The following GPSM2 variants were observed in gnomAD, a reference collection of about 807,000 sequenced individuals.
The protein encoded by GPSM2 is G protein-signaling modulator 2.
GPSM2 carries 58 observed loss-of-function variants against 78.4 expected under a neutral mutation model. The observed-to-expected ratio is 0.74, with a 90% CI of 0.60 to 0.92. The LOEUF (loss-of-function observed/expected upper bound fraction) is 0.92. Among genes scored for constraint, GPSM2 ranks in the 40% least tolerant of loss-of-function variants. The pLI, the probability that GPSM2 is intolerant of heterozygous loss-of-function variation, is 0.00. For synonymous variants in GPSM2, 224 were observed against 280.2 expected, an observed-to-expected ratio of 0.80 and a Z score of 2.00; for missense variants, 700 against 815.5, an observed-to-expected ratio of 0.86 and a Z score of 1.73.
intron 2 of GPSM2, among the ~76,000 whole-genome samples, chr1:108,893,009 C>A (rs905894716): frequency 2.0e-5 from 3 of 152,196 alleles, no homozygotes; most frequent in African/African-American, 7.2e-5. Flanking sequence ...ATGTAGCCAG[C>A]AAGCTTCCAG....
At chr1:108,879,046 T>A (rs910450094) in intron 1 of GPSM2, among the ~76,000 whole-genome samples, 3 of 152,238 alleles carry the variant, frequency 2.0e-5, no homozygotes, top group African/African-American at 7.2e-5. Flanking sequence ...TGTGTTTTGT[T>A]GTAGCTTCGC....
Position 108,922,501 on chromosome 1 carries a change from T to C in GPSM2, c.1525T>C (p.Cys509Arg). The change falls in exon 13 of 15, where the codon TGT becomes CGT. Residue 509 changes from cysteine to arginine, a missense_variant. Coordinates refer to ENST00000264126, the MANE Select transcript of GPSM2 (RefSeq NM_013296.5). ...AAGCAATAGGATGGATGATCAGAGA[T>C]GTTGCTTACAAGAAAAGAACTGCCA... ...FQSNRMDDQR[C>R]CLQEKNCHTA... 6.2e-7 allele frequency: 1 copy of C among 1,612,032 alleles called. No homozygotes were observed. Among genetic ancestry groups the C allele is most frequent in the Non-Finnish European group, 8.5e-7 (1 of 1,178,430 alleles).
Position 108,929,841 on chromosome 1 carries a change from A to C in GPSM2, c.1956A>C (p.Arg652Ser), listed in dbSNP as rs777713306. ...ATGAACAGAGAGTTCTTTTACAAAG[A>C]GATCAAAACAGAGACACTGACTTTG... is the stretch of plus-strand genomic sequence containing the variant. Reference protein sequence around the residue: ...RMDEQRVLLQRDQNRDTDFGL... With the variant: ...RMDEQRVLLQSDQNRDTDFGL... Residue 652 changes from arginine (R) to serine (S), a missense_variant, in exon 15 of 15, where the codon AGA becomes AGC. By Grantham distance (110) the Arg-to-Ser change is moderately radical. Transcript: ENST00000264126. The C allele has an allele frequency of 1.2e-6, 2 of 1,614,078 alleles. No homozygotes were observed. Among genetic ancestry groups the C allele is most frequent in the Admixed American group, 3.3e-5 (2 of 60,030 alleles).
At chr1:108,928,033 A>G (rs747366160) in intron 14 of GPSM2, among the ~76,000 whole-genome samples, 3 of 152,236 alleles carry the variant, frequency 2.0e-5, no homozygotes, top group Non-Finnish European at 4.4e-5. Flanking sequence ...AAACCAAAAG[A>G]GTGAGCAGGG....
chr1:108,897,713 A>G, intron 4 of GPSM2, 86 bp downstream of exon 4: 1 of 1,207,026 alleles, frequency 8.3e-7, no homozygotes, highest in Non-Finnish European at 1.2e-6. Context: ...TCTATAGTTT[A>G]TTTTAAAATT....
chr1:108,921,343 C>T (rs1196381891), intron 12 of GPSM2, among the ~76,000 whole-genome samples: 1 of 151,894 alleles, frequency 6.6e-6, no homozygotes, highest in Non-Finnish European at 1.5e-5. Context: ...TTGCTTGAAC[C>T]TGGGAGGCAG....
rs1321069354 is a variant in GPSM2, at chr1:108,924,075, T to C, written c.1676T>C (p.Leu559Pro). Reference sequence around the variant, plus strand: ...CTTGCCAGCTCACAGAGTCGCCGTCTGGATGACCAGAGGGCTAGTTTCAGT... The same window carrying C: ...CTTGCCAGCTCACAGAGTCGCCGTCCGGATGACCAGAGGGCTAGTTTCAGT... ...DLLASSQSRR[L>P]DDQRASFSNL... The change falls in exon 14 of 15, where the codon CTG (leucine) becomes CCG (proline). Residue 559 changes from leucine to proline, a missense_variant. Physicochemically the swap from Leu to Pro is moderately conservative, Grantham distance 98. Coordinates refer to ENST00000264126, the MANE Select transcript of GPSM2 (RefSeq NM_013296.5). 1.2e-6 allele frequency: 2 copies of C among 1,613,838 alleles called. No homozygotes were observed. Among genetic ancestry groups the C allele is most frequent in the South Asian group, 1.1e-5 (1 of 91,078 alleles).
chr1:108,908,682 C>T (rs1055835218), intron 10 of GPSM2, among the ~76,000 whole-genome samples: 4 of 131,130 alleles, frequency 3.1e-5, no homozygotes, highest in African/African-American at 1.3e-4. Context: ...AACACACGTG[C>T]GCGCACACAC....
At chr1:108,917,819 T>G (rs1650390596) in intron 11 of GPSM2, among the ~76,000 whole-genome samples, 1 of 150,534 alleles carries the variant, frequency 6.6e-6, no homozygotes, top group South Asian at 2.1e-4. Context: ...TTTATTTCAA[T>G]TTGTGTCTCA....
At chr1:108,909,936 G>T (rs897171737) in intron 10 of GPSM2, 3 of 145,232 alleles carry the variant, frequency 2.1e-5, no homozygotes, top group African/African-American at 7.6e-5. Context: ...AAGGAAAAAG[G>T]CTGAAAGCTT....
chr1:108,908,412 G>A (rs558456571), intron 10 of GPSM2, among the ~76,000 whole-genome samples: 58 of 148,904 alleles, frequency 3.9e-4, no homozygotes, highest in Non-Finnish European at 7.0e-4. Flanking sequence ...GGCCAGGCGC[G>A]GTGGCTCACA....
chr1:108,881,005 C>T (rs1458115832), intron 1 of GPSM2, among the ~76,000 whole-genome samples: 1 of 152,200 alleles, frequency 6.6e-6, no homozygotes, highest in Non-Finnish European at 1.5e-5. Flanking sequence ...GCTAGCCTTT[C>T]TTGTCTGCTC....
intron 10 of GPSM2, among the ~76,000 whole-genome samples, chr1:108,906,596 G>A (rs1027647241): frequency 6.7e-6 from 1 of 149,290 alleles, no homozygotes; most frequent in African/African-American, 2.5e-5. Context: ...AAATATTTTG[G>A]CCAGGCACAG....
In GPSM2 at chr1:108,929,942, T is replaced by A; in HGVS notation, c.*2T>A. 6.2e-7 allele frequency: 1 copy of A among 1,611,888 alleles called. No individual in the cohort carries two copies. Among genetic ancestry groups the A allele is most frequent in the Non-Finnish European group, 8.5e-7 (1 of 1,178,294 alleles). On this transcript the variant is annotated 3_prime_UTR_variant, in exon 15 of 15. Transcript: ENST00000264126. ...GGGAAAAAATCGGCAGACCATTAGT[T>A]ACTATGGATTTATTTTTTTTCCTTT... is the stretch of plus-strand genomic sequence containing the variant.
chr1:108,927,687 G>A (rs940396588), intron 14 of GPSM2, among the ~76,000 whole-genome samples: 4 of 152,174 alleles, frequency 2.6e-5, no homozygotes, highest in Non-Finnish European at 5.9e-5. Flanking sequence ...TAAAACTCAA[G>A]AGGAGCATGT....
At chr1:108,924,368 T>C (rs1360146757) in intron 14 of GPSM2, 154 bp downstream of exon 14, 3 of 706,326 alleles carry the variant, frequency 4.2e-6, no homozygotes, top group Non-Finnish European at 7.8e-6. Flanking sequence ...CCGATTATGT[T>C]TCAGCTGCTA....
chr1:108,917,764 A>G (rs1650386787), intron 11 of GPSM2, among the ~76,000 whole-genome samples: 1 of 149,140 alleles, frequency 6.7e-6, no homozygotes, highest in Non-Finnish European at 1.5e-5. Flanking sequence ...TGGGATTACA[A>G]GTGTGAGCCA....
At chr1:108,927,534 G>A (rs1651198830) in intron 14 of GPSM2, among the ~76,000 whole-genome samples, 1 of 152,198 alleles carries the variant, frequency 6.6e-6, no homozygotes, top group Non-Finnish European at 1.5e-5. Flanking sequence ...AGACCATTCA[G>A]TGGGGGAAAA....
At position 108,906,978 on chromosome 1, in the gene GPSM2, G is replaced by A. The variant is rs550918633; in HGVS notation, c.1192+2724G>A. 6.6e-5 allele frequency among the ~76,000 whole-genome samples: 10 copies of A among 152,184 alleles called. No individual in the cohort carries two copies. The East Asian group carries it at 1.5e-3, about 24-fold the overall frequency. On this transcript the variant is annotated intron_variant, in intron 10 of 14. Coordinates refer to ENST00000264126, the MANE Select transcript of GPSM2 (RefSeq NM_013296.5). ...CTCAGAGTGCTCCTTTAGAATATAC[G>A]TCGTTCCTCTGTTCAAAACCCTTCA...
Sources: allele counts gnomAD v4.1 joint callset (sites outside exome capture counted in the v4.1 genomes callset), GRCh38; gene constraint gnomAD v4.1.1; transcripts MANE v1.5; gene names NCBI Gene and HGNC (gene_info 2026-07-23, HGNC 2026-07-21).